The following GRM5 variants were observed in gnomAD, a reference collection of about 807,000 sequenced individuals.
GRM5 encodes glutamate metabotropic receptor 5.
GRM5 carries 19 observed loss-of-function variants against 83.1 expected under a neutral mutation model. That is an observed-to-expected ratio of 0.23 (90% confidence interval 0.16 to 0.34). GRM5 has a LOEUF of 0.34. Among genes scored for constraint, GRM5 ranks in the 10% least tolerant of loss-of-function variants. The probability of loss-of-function intolerance (pLI) is 1.00; values close to 1 mark genes in which losing one functional copy is unlikely to be tolerated. For synonymous variants in GRM5, 675 were observed against 633.6 expected (o/e 1.07, Z -0.98); for missense variants, 1,160 against 1,588.3 (o/e 0.73, Z 4.58).
At chr11:88,576,823 G>A (rs1228382889) in intron 7 of GRM5, among the ~76,000 whole-genome samples, 1 of 152,158 alleles carries the variant, frequency 6.6e-6, no homozygotes, top group Non-Finnish European at 1.5e-5. Context: ...TAGGGTATCA[G>A]TGGAATTTTG....
chr11:88,737,510 T>A (rs938689979), intron 3 of GRM5, among the ~76,000 whole-genome samples: 4 of 152,038 alleles, frequency 2.6e-5, no homozygotes, highest in African/African-American at 9.7e-5. Flanking sequence ...ATAAGAAAAT[T>A]GAACCTCAGA....
At chr11:88,972,436 C>T (rs1252344491) in intron 2 of GRM5, among the ~76,000 whole-genome samples, 1 of 152,076 alleles carries the variant, frequency 6.6e-6, no homozygotes, top group East Asian at 1.9e-4. Flanking sequence ...TTTTGTGTTT[C>T]TTTTCTCTTT....
At chr11:89,038,606 T>A (rs1394369180) in intron 2 of GRM5, among the ~76,000 whole-genome samples, 2 of 152,224 alleles carry the variant, frequency 1.3e-5, no homozygotes, top group Non-Finnish European at 2.9e-5. Context: ...TTAATTTGTT[T>A]TCTTTTCACT....
intron 2 of GRM5, among the ~76,000 whole-genome samples, chr11:88,878,500 G>A (rs2135570055): frequency 6.6e-6 from 1 of 152,262 alleles, no homozygotes; most frequent in Middle Eastern, 3.4e-3. Flanking sequence ...CTGGCCAAGT[G>A]CCAAGGGATA....
At chr11:88,523,943 A>C (rs1337584762) in intron 9 of GRM5, 1 of 152,214 alleles carries the variant, frequency 6.6e-6, no homozygotes, top group Non-Finnish European at 1.5e-5. Flanking sequence ...TGCTCTCAGC[A>C]CATGGACATG....
At chr11:89,004,398 C>T (rs1940468939) in intron 2 of GRM5, among the ~76,000 whole-genome samples, 1 of 152,158 alleles carries the variant, frequency 6.6e-6, no homozygotes, top group South Asian at 2.1e-4. Flanking sequence ...CATTGAACTT[C>T]TCAAATTATT....
At chr11:88,996,073 A>G (rs1940177520) in intron 2 of GRM5, among the ~76,000 whole-genome samples, 1 of 152,214 alleles carries the variant, frequency 6.6e-6, no homozygotes. Context: ...GTATGCTTGT[A>G]TGAGATCTTA....
intron 1 of GRM5, among the ~76,000 whole-genome samples, chr11:89,049,358 A>G (rs895878027): frequency 6.6e-6 from 1 of 152,204 alleles, no homozygotes; most frequent in South Asian, 2.1e-4. Context: ...TTGACAAATT[A>G]GTGATTTGAT....
At chr11:88,562,027 A>G (rs1380274882) in intron 8 of GRM5, among the ~76,000 whole-genome samples, 4 of 152,098 alleles carry the variant, frequency 2.6e-5, no homozygotes, top group Non-Finnish European at 5.9e-5. Flanking sequence ...CAGGCCCCAT[A>G]AACATGTCTT....
rs1299193172 is a variant in GRM5 at position 88,680,692 on chromosome 11, T to G, written c.912-27289A>C. ...AGACACAGGCACACGTATGTTATTG[T>G]GGCACTATTCACAATAGCAAAGACT... On this transcript the variant is annotated intron_variant, in intron 3 of 9. Transcript: ENST00000305447. Among the ~76,000 whole-genome samples the G allele has an allele frequency of 2.0e-5, 3 of 152,182 alleles. No individual in the cohort carries two copies. In the East Asian group the frequency reaches 5.8e-4, roughly 29 times the overall value.
intron 3 of GRM5, among the ~76,000 whole-genome samples, chr11:88,666,267 A>G (rs888257629): frequency 2.0e-5 from 3 of 152,140 alleles, no homozygotes; most frequent in Non-Finnish European, 4.4e-5. Flanking sequence ...AAACAGGTTT[A>G]TTCTATTTTT....
At chr11:88,777,682 C>A (rs1318214749) in intron 3 of GRM5, among the ~76,000 whole-genome samples, 1 of 152,196 alleles carries the variant, frequency 6.6e-6, no homozygotes, top group East Asian at 1.9e-4. Context: ...TTCCTTCTAA[C>A]AGTCAGGTCC....
chr11:88,663,614 A>C (rs1248649738), intron 3 of GRM5, among the ~76,000 whole-genome samples: 2 of 152,208 alleles, frequency 1.3e-5, no homozygotes, highest in African/African-American at 4.8e-5. Flanking sequence ...ATGATCTTCC[A>C]GTTTTCATGC....
rs532143109 is a variant in GRM5 at position 88,568,121 on chromosome 11, C to A, written c.1691-129G>T. 63 of 611,476 alleles carry A rather than the reference C, an allele frequency of 1.0e-4. No homozygotes were observed. The African/African-American group carries it at 1.1e-3, about 10-fold the overall frequency. The allele number at this position is 611,476 out of a possible 1,614,324, so 37.9% of individuals were successfully genotyped here. ...CCATCTACCTTTCTAATTTCAGAATCTCCTGCTACTTATTGTTTCATGTAT... is the reference window on the plus strand; with the variant it reads ...CCATCTACCTTTCTAATTTCAGAATATCCTGCTACTTATTGTTTCATGTAT... On this transcript the variant is annotated intron_variant, in intron 7 of 9. Coordinates refer to ENST00000305447, the MANE Select transcript of GRM5 (RefSeq NM_001143831.3).
chr11:88,661,839 C>G (rs898008842), intron 3 of GRM5, among the ~76,000 whole-genome samples: 24 of 151,992 alleles, frequency 1.6e-4, no homozygotes, highest in African/African-American at 4.6e-4. Flanking sequence ...CTGTGCCTGG[C>G]TTTGAAATTT....
intron 8 of GRM5, among the ~76,000 whole-genome samples, chr11:88,531,835 C>T (rs996938472): frequency 6.6e-6 from 1 of 152,046 alleles, no homozygotes; most frequent in East Asian, 1.9e-4. Flanking sequence ...TTTCTTTCGC[C>T]ACTTTCTCTC....
At chr11:89,028,199 T>C (rs1233532640) in intron 2 of GRM5, among the ~76,000 whole-genome samples, 9 of 152,198 alleles carry the variant, frequency 5.9e-5, no homozygotes, top group African/African-American at 1.9e-4. Context: ...GACAAACCCT[T>C]ACTACAAGAA....
intron 2 of GRM5, among the ~76,000 whole-genome samples, chr11:88,854,976 A>C (rs990505468): frequency 2.0e-5 from 3 of 151,884 alleles, no homozygotes; most frequent in African/African-American, 7.2e-5. Flanking sequence ...TTTAAGATAA[A>C]GATAATAAAG....
chr11:88,537,076 C>T (rs1428260034), intron 8 of GRM5, among the ~76,000 whole-genome samples: 1 of 152,140 alleles, frequency 6.6e-6, no homozygotes, highest in East Asian at 1.9e-4. Flanking sequence ...TCATGCTCTT[C>T]ATTAACAACT....
Sources: allele counts gnomAD v4.1 joint callset (sites outside exome capture counted in the v4.1 genomes callset), GRCh38; gene constraint gnomAD v4.1.1; transcripts MANE v1.5; gene names NCBI Gene and HGNC (gene_info 2026-07-23, HGNC 2026-07-21).